ADAMTS12: variants seen among roughly 807,000 people sequenced by gnomAD.
The protein encoded by ADAMTS12 is A disintegrin and metalloproteinase with thrombospondin motifs 12.
In ADAMTS12, 118 loss-of-function variants were observed where a neutral mutation model predicts 167.8. That is an observed-to-expected ratio of 0.70 (90% CI 0.61 to 0.82). ADAMTS12 has a LOEUF of 0.82. Ranked by LOEUF, ADAMTS12 falls within the 40% of genes least tolerant of loss-of-function variation. The probability of loss-of-function intolerance (pLI) is 0.00; values close to 1 mark genes in which losing one functional copy is unlikely to be tolerated. For missense variants in ADAMTS12, 1,916 were observed against 1,998.8 expected (o/e 0.96, Z 0.79); for synonymous variants, 704 against 716.9 (o/e 0.98, Z 0.29).
chr5:33,592,251 C>CA (rs1175762269), intron 17 of ADAMTS12, among the ~76,000 whole-genome samples: 1 of 150,468 alleles, frequency 6.6e-6, no homozygotes, highest in Non-Finnish European at 1.5e-5. Flanking sequence ...ACAAAAAAAA[C>CA]AAAAAACAAA....
intron 2 of ADAMTS12, among the ~76,000 whole-genome samples, chr5:33,835,614 G>C (rs552458712): frequency 6.6e-6 from 1 of 152,022 alleles, no homozygotes; most frequent in Non-Finnish European, 1.5e-5. Flanking sequence ...AGCTCGCTGC[G>C]GCCTCTTTTA....
chr5:33,884,264 G>C (rs1353116540), intron 1 of ADAMTS12, among the ~76,000 whole-genome samples: 1 of 152,056 alleles, frequency 6.6e-6, no homozygotes, highest in African/African-American at 2.4e-5. Flanking sequence ...CGTCACCCCT[G>C]CAGGGCATCC....
At chr5:33,535,320 C>T (rs998117412) in intron 22 of ADAMTS12, among the ~76,000 whole-genome samples, 2 of 152,162 alleles carry the variant, frequency 1.3e-5, no homozygotes, top group African/African-American at 4.8e-5. Context: ...ACGTTGGTGC[C>T]GTTGGACCCA....
chr5:33,537,055 CT>C (rs1744450490), intron 22 of ADAMTS12, among the ~76,000 whole-genome samples: 1 of 152,228 alleles, frequency 6.6e-6, no homozygotes, highest in African/African-American at 2.4e-5. Flanking sequence ...AAGGCCACTG[CT>C]GCCTTGATCC....
At chr5:33,577,961 T>C (rs955532401) in intron 18 of ADAMTS12, among the ~76,000 whole-genome samples, 6 of 152,216 alleles carry the variant, frequency 3.9e-5, no homozygotes, top group African/African-American at 1.4e-4. Context: ...TCAGGATACA[T>C]GGTAAAGAAT....
chr5:33,777,699 A>G (rs957734550), intron 2 of ADAMTS12, among the ~76,000 whole-genome samples: 14 of 152,158 alleles, frequency 9.2e-5, no homozygotes, highest in Non-Finnish European at 1.5e-4. Context: ...AGAAAAAGAA[A>G]TAAGAGGCAT....
At chr5:33,707,402 T>G (rs1051126449) in intron 3 of ADAMTS12, among the ~76,000 whole-genome samples, 5 of 152,116 alleles carry the variant, frequency 3.3e-5, no homozygotes, top group African/African-American at 1.2e-4. Flanking sequence ...GATTTAATGT[T>G]ATTGCCATCA....
At chr5:33,789,295 C>T (rs527519513) in intron 2 of ADAMTS12, among the ~76,000 whole-genome samples, 34 of 152,342 alleles carry the variant, frequency 2.2e-4, no homozygotes, top group Admixed American at 2.1e-3. Context: ...AATAGGGACA[C>T]AAATACAGCT....
At chr5:33,738,164 C>A (rs1744434826) in intron 3 of ADAMTS12, among the ~76,000 whole-genome samples, 1 of 152,174 alleles carries the variant, frequency 6.6e-6, no homozygotes, top group Non-Finnish European at 1.5e-5. Context: ...TGGGATGGGG[C>A]TACCTGGGGT....
intron 5 of ADAMTS12, among the ~76,000 whole-genome samples, chr5:33,681,501 T>C (rs952914540): frequency 1.3e-5 from 2 of 152,128 alleles, no homozygotes; most frequent in African/African-American, 4.8e-5. Flanking sequence ...CTGTTTTAGG[T>C]GTTGGGGATC....
At chr5:33,720,696 A>G (rs1743777751) in intron 3 of ADAMTS12, among the ~76,000 whole-genome samples, 1 of 152,216 alleles carries the variant, frequency 6.6e-6, no homozygotes, top group Non-Finnish European at 1.5e-5. Context: ...CCTAGAATCA[A>G]GGGAGACAAA....
rs1491352532 is a variant in ADAMTS12, at chr5:33,732,758, CTT to C, written c.634+18644_634+18645del. 2.5e-4 allele frequency among the ~76,000 whole-genome samples: 38 copies of C among 151,076 alleles called. No homozygotes were observed. The Middle Eastern group carries it at 0.01, about 41-fold the overall frequency. On this transcript the variant is annotated intron_variant, in intron 3 of 23. Transcript: ENST00000504830. Reference sequence around the variant, plus strand: ...TTTTCAGTAATTCATTTATAGGACTCTTAAGATAATATTTTAAAATGTGGGCA... The same window carrying C: ...TTTTCAGTAATTCATTTATAGGACTCAAGATAATATTTTAAAATGTGGGCA...
In ADAMTS12 at chr5:33,788,272, C is replaced by T. The variant is rs140917202; in HGVS notation, c.490-36724G>A. 3.8e-3 allele frequency among the ~76,000 whole-genome samples: 582 copies of T among 152,160 alleles called. 5 individuals carry two copies. Among genetic ancestry groups the T allele is most frequent in the African/African-American group, 0.014 (565 of 41,466 alleles). Reference sequence around the variant, plus strand: ...CAACTAAAGGAGGTACATTAACAGTCTTTTTTCTCTCTCTCTTTTTTTTTG... The same window carrying T: ...CAACTAAAGGAGGTACATTAACAGTTTTTTTTCTCTCTCTCTTTTTTTTTG... On this transcript the variant is annotated intron_variant, in intron 2 of 23. Transcript: ENST00000504830.
At chr5:33,806,004 TCTG>T (rs1175153562) in intron 2 of ADAMTS12, among the ~76,000 whole-genome samples, 4 of 152,040 alleles carry the variant, frequency 2.6e-5, no homozygotes, top group African/African-American at 9.7e-5. Flanking sequence ...ATGTTTAGAG[TCTG>T]CTGCTAAGTG....
intron 5 of ADAMTS12, among the ~76,000 whole-genome samples, chr5:33,671,909 CACAT>C (rs1741708965): frequency 1.3e-5 from 2 of 149,692 alleles, no homozygotes; most frequent in Non-Finnish European, 3.0e-5. Context: ...TCCACATACT[CACAT>C]ACACACACAC....
chr5:33,782,923 ACTTGAC>A (rs535275286), intron 2 of ADAMTS12, among the ~76,000 whole-genome samples: 39 of 152,206 alleles, frequency 2.6e-4, no homozygotes, highest in African/African-American at 8.7e-4. Flanking sequence ...AATGCTATCA[ACTTGAC>A]CTTACTGACA....
At chr5:33,597,679 A>G (rs1391952431) in intron 16 of ADAMTS12, among the ~76,000 whole-genome samples, 1 of 111,638 alleles carries the variant, frequency 9.0e-6, no homozygotes, top group East Asian at 5.8e-4. Flanking sequence ...TTTAAAAAAG[A>G]ACAATTTTTT....
intron 11 of ADAMTS12, among the ~76,000 whole-genome samples, chr5:33,639,410 C>T (rs2112167497): frequency 6.6e-6 from 1 of 152,184 alleles, no homozygotes; most frequent in East Asian, 1.9e-4. Context: ...GTATCCCAGA[C>T]TGAAAGTACA....
rs1334575877 is a variant in ADAMTS12, at chr5:33,524,145, C to T, written c.*3043G>A. ...GATGTCAGCGGAGACGTGGCTGTCTCAGGAGATTGGACGGAGGTGTGCTCT... is the reference window on the plus strand; with the variant it reads ...GATGTCAGCGGAGACGTGGCTGTCTTAGGAGATTGGACGGAGGTGTGCTCT... On this transcript the variant is annotated 3_prime_UTR_variant, in exon 24 of 24. Transcript: ENST00000504830. The T allele has an allele frequency of 6.6e-6, 1 of 152,324 alleles. No individual in the cohort carries two copies. The highest frequency in any genetic ancestry group is 1.5e-5 in the Non-Finnish European group (1 of 68,032). 9.4% of individuals were successfully genotyped at this position (152,324 alleles called of 1,614,324 possible). A position where few individuals can be genotyped will look rare whatever the true frequency, so the allele number is the denominator to read the frequency against.
Sources: gnomAD v4.1 joint callset for allele counts (sites outside exome capture counted in the v4.1 genomes callset) on GRCh38, gnomAD v4.1.1 for gene constraint, MANE v1.5 for transcripts, NCBI Gene and HGNC (gene_info 2026-07-23, HGNC 2026-07-21) for gene names.